MACROD2: variants seen among roughly 807,000 people sequenced by gnomAD.
The protein encoded by MACROD2 is mono-ADP ribosylhydrolase 2, also known as ADP-ribose glycohydrolase MACROD2.
In MACROD2, 36 loss-of-function variants were observed where a neutral mutation model predicts 70.4. The ratio of observed to expected loss-of-function variants is 0.51; its 90% CI spans 0.39 to 0.68. The LOEUF is 0.68. Among genes scored for constraint, MACROD2 ranks in the 30% least tolerant of loss-of-function variants. The probability of loss-of-function intolerance (pLI) is 0.00; values close to 1 mark genes in which losing one functional copy is unlikely to be tolerated. For synonymous variants in MACROD2, 172 were observed against 178.8 expected, an observed-to-expected ratio of 0.96 and a Z score of 0.30; for missense variants, 496 against 538.4, an observed-to-expected ratio of 0.92 and a Z score of 0.78.
chr20:14,144,287 A>G (rs1462938431), intron 3 of MACROD2, among the ~76,000 whole-genome samples: 1 of 152,250 alleles, frequency 6.6e-6, no homozygotes, highest in Non-Finnish European at 1.5e-5. Context: ...TTCTAAATCT[A>G]AATTTGTCAA....
chr20:15,248,829 C>A lies in MACROD2; in HGVS notation c.540+18768C>A, dbSNP rs1167003936. On this transcript the variant is annotated intron_variant, in intron 6 of 17. Coordinates refer to ENST00000684519, the MANE Select transcript of MACROD2 (RefSeq NM_001351661.2). ...ATCTCTTGCAGTCCTGTAGACACCC[C>A]CTCCCCCACAAGAACTCTCATATCC... is the stretch of plus-strand genomic sequence containing the variant. Among the ~76,000 whole-genome samples, 3 of 152,234 alleles carry A rather than the reference C, an allele frequency of 2.0e-5. 1 individual carries two copies. In the East Asian group the frequency reaches 5.8e-4, roughly 30 times the overall value.
chr20:14,711,919 CT>C (rs1299137807), intron 5 of MACROD2, among the ~76,000 whole-genome samples: 2 of 152,144 alleles, frequency 1.3e-5, no homozygotes, highest in African/African-American at 4.8e-5. Flanking sequence ...AGCTAAGTCC[CT>C]GTTAGTCAGC....
chr20:15,666,853 G>T (rs1201657572), intron 8 of MACROD2, among the ~76,000 whole-genome samples: 2 of 150,966 alleles, frequency 1.3e-5, no homozygotes, highest in African/African-American at 4.9e-5. Context: ...TTACAGTTGA[G>T]TATTTCTCAT....
intron 8 of MACROD2, among the ~76,000 whole-genome samples, chr20:15,853,865 A>C (rs2064327438): frequency 6.6e-6 from 1 of 152,078 alleles, no homozygotes; most frequent in African/African-American, 2.4e-5. Flanking sequence ...TAAGGCACTA[A>C]CCCCCAGAGG....
chr20:14,589,985 G>A (rs1600423535), intron 4 of MACROD2, among the ~76,000 whole-genome samples: 1 of 152,116 alleles, frequency 6.6e-6, no homozygotes, highest in Non-Finnish European at 1.5e-5. Context: ...ATTGAGCCAT[G>A]GCATACATTT....
chr20:14,936,988 A>G (rs187483319), intron 5 of MACROD2, among the ~76,000 whole-genome samples: 1 of 152,334 alleles, frequency 6.6e-6, no homozygotes, highest in East Asian at 1.9e-4. Flanking sequence ...TTATTTTGTA[A>G]GGAAGCTGCT....
chr20:15,373,596 T>C (rs889675431), intron 6 of MACROD2, among the ~76,000 whole-genome samples: 14 of 152,022 alleles, frequency 9.2e-5, no homozygotes, highest in African/African-American at 3.4e-4. Context: ...AGCAATGGGG[T>C]CTCACTTTGT....
At chr20:14,845,848 T>C (rs144966372) in intron 5 of MACROD2, among the ~76,000 whole-genome samples, 1 of 152,022 alleles carries the variant, frequency 6.6e-6, no homozygotes, top group Non-Finnish European at 1.5e-5. Flanking sequence ...TGTGGGCCAT[T>C]AAAAATGTTC....
At chr20:15,016,522 C>CT (rs1451281393) in intron 5 of MACROD2, among the ~76,000 whole-genome samples, 3 of 152,102 alleles carry the variant, frequency 2.0e-5, no homozygotes, top group Admixed American at 6.5e-5. Flanking sequence ...GCTTGGTACC[C>CT]TCCCCACAGT....
chr20:15,191,050 T>C (rs532442538), intron 5 of MACROD2, among the ~76,000 whole-genome samples: 2 of 152,274 alleles, frequency 1.3e-5, no homozygotes, highest in South Asian at 4.1e-4. Flanking sequence ...TATAGAAAAC[T>C]GTATACATAG....
At chr20:15,123,529 T>C (rs1353718727) in intron 5 of MACROD2, among the ~76,000 whole-genome samples, 2 of 152,216 alleles carry the variant, frequency 1.3e-5, no homozygotes, top group East Asian at 1.9e-4. Flanking sequence ...TCATTAATCC[T>C]TTTTTGTATT....
At chr20:14,614,435 G>A (rs1250963209) in intron 4 of MACROD2, among the ~76,000 whole-genome samples, 1 of 152,078 alleles carries the variant, frequency 6.6e-6, no homozygotes, top group Admixed American at 6.6e-5. Context: ...AGTACTGGGA[G>A]CAATTGAAAT....
At chr20:15,481,568 T>A (rs1321004012) in intron 7 of MACROD2, among the ~76,000 whole-genome samples, 1 of 152,092 alleles carries the variant, frequency 6.6e-6, no homozygotes, top group East Asian at 1.9e-4. Flanking sequence ...TTAAACGCAG[T>A]GTTAACTAAA....
intron 2 of MACROD2, among the ~76,000 whole-genome samples, chr20:14,019,868 G>C (rs1043629720): frequency 1.3e-5 from 2 of 152,176 alleles, no homozygotes; most frequent in Non-Finnish European, 2.9e-5. Flanking sequence ...ATAATGGCTG[G>C]TAATTGTTTA....
At chr20:14,428,668 G>A (rs2083962141) in intron 3 of MACROD2, among the ~76,000 whole-genome samples, 1 of 152,132 alleles carries the variant, frequency 6.6e-6, no homozygotes, top group African/African-American at 2.4e-5. Context: ...TTGAAATTAA[G>A]TGATAGTGCC....
At chr20:15,992,505 G>A (rs923178527) in intron 15 of MACROD2, among the ~76,000 whole-genome samples, 6 of 151,878 alleles carry the variant, frequency 4.0e-5, no homozygotes, top group Non-Finnish European at 5.9e-5. Context: ...CCTTCACTCC[G>A]TGCAGTACCA....
chr20:15,123,600 C>T (rs2076045942), intron 5 of MACROD2, among the ~76,000 whole-genome samples: 1 of 46,934 alleles, frequency 2.1e-5, no homozygotes, highest in Non-Finnish European at 4.1e-5. Flanking sequence ...ATGTGAAATT[C>T]ATTGCACTTA....
intron 3 of MACROD2, among the ~76,000 whole-genome samples, chr20:14,133,568 C>T (rs2054748136): frequency 6.6e-6 from 1 of 151,906 alleles, no homozygotes; most frequent in Non-Finnish European, 1.5e-5. Flanking sequence ...AAAAATAAAA[C>T]ACAGTAAAGA....
At chr20:14,660,640 C>A (rs534177094) in intron 4 of MACROD2, among the ~76,000 whole-genome samples, 1 of 152,122 alleles carries the variant, frequency 6.6e-6, no homozygotes, top group East Asian at 1.9e-4. Flanking sequence ...ATCCCATCAC[C>A]CAAGTAGCGA....
Sources: allele counts gnomAD v4.1 joint callset (sites outside exome capture counted in the v4.1 genomes callset), GRCh38; gene constraint gnomAD v4.1.1; transcripts MANE v1.5; gene names NCBI Gene and HGNC (gene_info 2026-07-23, HGNC 2026-07-21).